Variants in SYN3 observed in about 807,000 individuals in gnomAD.
The protein encoded by SYN3 is synapsin III.
SYN3 carries 35 observed loss-of-function variants against 65.8 expected under a neutral mutation model. The observed-to-expected ratio is 0.53, with a 90% CI of 0.41 to 0.70. The LOEUF (loss-of-function observed/expected upper bound fraction) is 0.70, where lower values mean the gene tolerates loss of function less well. SYN3 is among the 30% of genes least tolerant of loss of function. The pLI, the probability that SYN3 is intolerant of heterozygous loss-of-function variation, is 0.00. For synonymous variants in SYN3, 270 were observed against 292.9 expected (o/e 0.92, Z 0.80); for missense variants, 680 against 749.0 (o/e 0.91, Z 1.08).
At chr22:32,619,296 T>C (rs1451725173) in intron 6 of SYN3, among the ~76,000 whole-genome samples, 1 of 152,244 alleles carries the variant, frequency 6.6e-6, no homozygotes, top group Non-Finnish European at 1.5e-5. Flanking sequence ...AAGTGATTAA[T>C]TTAAATGGCA....
rs916401207 is a variant in SYN3 at position 32,606,819 on chromosome 22, T to TA, written c.712-10084dup. 4.0e-5 allele frequency among the ~76,000 whole-genome samples: 6 copies of TA among 151,638 alleles called. No homozygotes were observed. The East Asian group carries it at 9.6e-4, about 24-fold the overall frequency. On this transcript the variant is annotated intron_variant, in intron 6 of 13. Coordinates refer to ENST00000358763, the MANE Select transcript of SYN3 (RefSeq NM_003490.4). ...CTTTATTTTTTATTTTTTATTTTTT[T>TA]AATTTTTAAATAAGTATTTATTTAA... is the stretch of plus-strand genomic sequence containing the variant.
chr22:32,815,774 C>T (rs1169392356), intron 6 of SYN3, among the ~76,000 whole-genome samples: 1 of 152,162 alleles, frequency 6.6e-6, no homozygotes, highest in Non-Finnish European at 1.5e-5. Context: ...TATGTACCTA[C>T]ATAGTGAAGC....
chr22:32,871,040 C>T (rs571536466), intron 4 of SYN3, among the ~76,000 whole-genome samples: 1 of 152,276 alleles, frequency 6.6e-6, no homozygotes, highest in African/African-American at 2.4e-5. Flanking sequence ...ATGAGACATC[C>T]ACTCCTCCCT....
At chr22:33,004,609 C>T (rs1327078317) in intron 2 of SYN3, among the ~76,000 whole-genome samples, 1 of 152,210 alleles carries the variant, frequency 6.6e-6, no homozygotes, top group African/African-American at 2.4e-5. Context: ...TTTGATTTGG[C>T]CAATTTCTCC....
intron 6 of SYN3, among the ~76,000 whole-genome samples, chr22:32,863,820 G>C (rs2048613806): frequency 6.6e-6 from 1 of 152,130 alleles, no homozygotes; most frequent in African/African-American, 2.4e-5. Context: ...TGTGTAGACA[G>C]AACTGGCATT....
At chr22:32,717,379 A>G (rs2061053347) in intron 6 of SYN3, among the ~76,000 whole-genome samples, 1 of 152,148 alleles carries the variant, frequency 6.6e-6, no homozygotes, top group South Asian at 2.1e-4. Flanking sequence ...GACATCACCA[A>G]TCTCTCCCAT....
At chr22:32,543,849 A>G (rs963840860) in intron 7 of SYN3, among the ~76,000 whole-genome samples, 1 of 152,160 alleles carries the variant, frequency 6.6e-6, no homozygotes, top group Non-Finnish European at 1.5e-5. Flanking sequence ...ACATGATGGT[A>G]TGAGCAGCAG....
At chr22:32,821,648 C>T (rs1294948484) in intron 6 of SYN3, among the ~76,000 whole-genome samples, 2 of 152,014 alleles carry the variant, frequency 1.3e-5, no homozygotes, top group Non-Finnish European at 2.9e-5. Flanking sequence ...CCCAGAGAAG[C>T]GAAGCCCTTT....
At chr22:32,572,469 T>TCC (rs2058789118) in intron 7 of SYN3, among the ~76,000 whole-genome samples, 1 of 8,062 alleles carries the variant, frequency 1.2e-4, no homozygotes, top group African/African-American at 2.4e-4. Flanking sequence ...CCTTCCTTCT[T>TCC]TCTCCTTCCC....
chr22:32,929,401 G>A (rs142697444), intron 4 of SYN3, among the ~76,000 whole-genome samples: 7 of 152,030 alleles, frequency 4.6e-5, no homozygotes, highest in Non-Finnish European at 8.8e-5. Context: ...AATAACCTGT[G>A]TGATAATTCT....
At chr22:32,779,410 A>G (rs549358423) in intron 6 of SYN3, among the ~76,000 whole-genome samples, 1 of 152,326 alleles carries the variant, frequency 6.6e-6, no homozygotes, top group East Asian at 1.9e-4. Flanking sequence ...CAGTGAGCCG[A>G]GATGGCGCCA....
intron 3 of SYN3, among the ~76,000 whole-genome samples, chr22:32,955,544 T>C (rs1004716782): frequency 1.3e-5 from 2 of 152,208 alleles, no homozygotes; most frequent in Middle Eastern, 3.2e-3. Flanking sequence ...ATATACAACA[T>C]AAAATTTATC....
At chr22:32,849,452 T>C in intron 6 of SYN3, 1 of 1,613,402 alleles carries the variant, frequency 6.2e-7, no homozygotes, top group Non-Finnish European at 8.5e-7. Flanking sequence ...GTCTCTGCAG[T>C]GATCCGGGCC....
At chr22:32,912,083 A>C (rs1288317183) in intron 4 of SYN3, among the ~76,000 whole-genome samples, 1 of 152,186 alleles carries the variant, frequency 6.6e-6, no homozygotes, top group Non-Finnish European at 1.5e-5. Context: ...GAAATAATAC[A>C]TGCAAAGTGC....
At position 32,513,535 on chromosome 22, in the gene SYN3, C is replaced by T; in HGVS notation, c.*157G>A. 1 of 1,019,454 alleles carries T rather than the reference C, an allele frequency of 9.8e-7. No individual in the cohort carries two copies. The highest frequency in any genetic ancestry group is 1.4e-6 in the Non-Finnish European group (1 of 715,096). The allele number at this position is 1,019,454 out of a possible 1,614,324, so 63.2% of individuals were successfully genotyped here. ...ATGTCACGGTGAAGGAAAATGGGAA[C>T]AAATATAGATAATCGGTTCCTGGGT... On this transcript the variant is annotated 3_prime_UTR_variant, in exon 14 of 14. Transcript: ENST00000358763.
At chr22:32,647,674 T>C (rs2060003424) in intron 6 of SYN3, among the ~76,000 whole-genome samples, 1 of 152,110 alleles carries the variant, frequency 6.6e-6, no homozygotes, top group African/African-American at 2.4e-5. Context: ...AGTGGCGTGA[T>C]CTCAGCTCAC....
chr22:33,047,773 C>CTCTGCATTT (rs1396569582), intron 1 of SYN3, among the ~76,000 whole-genome samples: 1 of 150,418 alleles, frequency 6.6e-6, no homozygotes, highest in African/African-American at 2.5e-5. Flanking sequence ...ATTTACAGAA[C>CTCTGCATTT]ACCTGCTCTA....
chr22:32,621,294 T>G (rs2059589957), intron 6 of SYN3, among the ~76,000 whole-genome samples: 2 of 123,900 alleles, frequency 1.6e-5, no homozygotes, highest in African/African-American at 7.3e-5. Context: ...TGGTAACTTT[T>G]GCCTTTTTTT....
chr22:32,997,986 C>T (rs1031628523), intron 2 of SYN3, among the ~76,000 whole-genome samples: 5 of 148,696 alleles, frequency 3.4e-5, no homozygotes, highest in African/African-American at 7.5e-5. Flanking sequence ...GAGATTGAAC[C>T]ACTGCACTCC....
Sources: allele counts gnomAD v4.1 joint callset (sites outside exome capture counted in the v4.1 genomes callset), GRCh38; gene constraint gnomAD v4.1.1; transcripts MANE v1.5; gene names NCBI Gene and HGNC (gene_info 2026-07-23, HGNC 2026-07-21).